The following PTPN23 variants were observed in gnomAD, a reference collection of about 807,000 sequenced individuals.
The protein encoded by PTPN23 is protein tyrosine phosphatase non-receptor type 23, also known as tyrosine-protein phosphatase non-receptor type 23.
Under a neutral mutation model 156.3 loss-of-function variants are expected in PTPN23, and 72 were observed. That is an observed-to-expected ratio of 0.46 (90% confidence interval 0.38 to 0.56). PTPN23 has a LOEUF of 0.56. PTPN23 is among the 20% of genes least tolerant of loss of function. The pLI, the probability that PTPN23 is intolerant of heterozygous loss-of-function variation, is 0.00. For missense variants in PTPN23, 1,974 were observed against 2,171.5 expected, an observed-to-expected ratio of 0.91 and a Z score of 1.81; for synonymous variants, 957 against 899.6, an observed-to-expected ratio of 1.06 and a Z score of -1.14.
intron 1 of PTPN23, among the ~76,000 whole-genome samples, chr3:47,389,677 A>T (rs1704728028): frequency 6.6e-6 from 1 of 152,048 alleles, no homozygotes. Context: ...CGTCTCCACT[A>T]AAAATACAAA....
chr3:47,402,887 G>A (rs1417204238), intron 2 of PTPN23, among the ~76,000 whole-genome samples: 2 of 151,908 alleles, frequency 1.3e-5, no homozygotes, highest in Non-Finnish European at 2.9e-5. Flanking sequence ...TGTATTTTTA[G>A]TAGAGACGGG....
chr3:47,409,845 C>A lies in PTPN23; in HGVS notation c.2129+11C>A. On this transcript the variant is annotated intron_variant, in intron 19 of 24. Coordinates refer to ENST00000265562, the MANE Select transcript of PTPN23 (RefSeq NM_015466.4). Reference sequence around the variant, plus strand: ...GCAGCTCCTGGACAGGTTTGTGTGGCCCTGGGGCTGTGGTGCGGCTCGGGT... The same window carrying A: ...GCAGCTCCTGGACAGGTTTGTGTGGACCTGGGGCTGTGGTGCGGCTCGGGT... The A allele has an allele frequency of 6.2e-7, 1 of 1,607,342 alleles. No homozygotes were observed. Among genetic ancestry groups the A allele is most frequent in the Non-Finnish European group, 8.5e-7 (1 of 1,176,940 alleles).
chr3:47,412,636 G>T lies in PTPN23; in HGVS notation c.4431+9G>T. The stretch of plus-strand genomic sequence containing the variant: ...CAAGCATCAGCCAGAAGGTGAGGAA[G>T]GTTCCGTGGAAGCTGCTGGGAGAGC... On this transcript the variant is annotated intron_variant, in intron 24 of 24. Transcript: ENST00000265562. 1.2e-6 allele frequency: 2 copies of T among 1,611,078 alleles called. No individual in the cohort carries two copies. Among genetic ancestry groups the T allele is most frequent in the East Asian group, 4.5e-5 (2 of 44,824 alleles).
chr3:47,407,693 C>G lies in PTPN23; in HGVS notation c.1004-4C>G, dbSNP rs200658102. The G allele has an allele frequency of 1.3e-4, 207 of 1,612,898 alleles. No individual in the cohort carries two copies. The highest frequency in any genetic ancestry group is 7.8e-4 in the Admixed American group (47 of 60,000). ...CCTGATCTCCACAATTCCCACCCCC[C>G]CAGGAGCCCCCTTGGTGAAGCCCTT... On this transcript the variant is annotated splice_region_variant and splice_polypyrimidine_tract_variant and intron_variant, in intron 12 of 24. Transcript: ENST00000265562. This position sits in a 1 kb window ranked among gnomAD's most constrained non-coding sequence, Gnocchi z 4.0.
intron 2 of PTPN23, among the ~76,000 whole-genome samples, chr3:47,402,761 A>G (rs2107710493): frequency 6.6e-6 from 1 of 152,208 alleles, no homozygotes; most frequent in Non-Finnish European, 1.5e-5. Flanking sequence ...CCTGGAGTGC[A>G]ATGGCATGAT....
rs1705242407 is a variant in PTPN23, at chr3:47,410,337, C to G, written c.2539C>G (p.Pro847Ala). ...CCCACAGCATGGCGTGGTGAGCAGT[C>G]CCTATGTGGGGGTAGGGCCGGCCCC... ...SSPQHGVVSS[P>A]YVGVGPAPPV... Residue 847 changes from proline to alanine, a missense_variant, in exon 20 of 25, where the codon CCC (proline) becomes GCC (alanine). Pro to Ala is a conservative substitution (Grantham distance 27). Transcript: ENST00000265562. 2 of 1,607,584 alleles carry G rather than the reference C, an allele frequency of 1.2e-6. No homozygotes were observed. Among genetic ancestry groups the G allele is most frequent in the Non-Finnish European group, 1.7e-6 (2 of 1,177,178 alleles).
intron 1 of PTPN23, among the ~76,000 whole-genome samples, chr3:47,383,231 G>A (rs764735864): frequency 6.6e-6 from 1 of 152,174 alleles, no homozygotes; most frequent in Non-Finnish European, 1.5e-5. Flanking sequence ...CTTCTGTGCC[G>A]TTGGTCATGG....
Position 47,412,600 on chromosome 3 carries a change from C to T in PTPN23, c.4404C>T (p.Pro1468=). ...ATGGTGTGCCTCCTCCATGCAAACC[C>T]TTGGCCAGTGCAAGCATCAGCCAGA... ...QRHGVPPPCK[P]LASASISQKN... The change falls in exon 24 of 25, where the codon CCC becomes CCT. Residue 1468 remains proline (P), a synonymous_variant. Coordinates refer to ENST00000265562, the MANE Select transcript of PTPN23 (RefSeq NM_015466.4). The T allele has an allele frequency of 1.2e-6, 2 of 1,613,690 alleles. No individual in the cohort carries two copies. The highest frequency in any genetic ancestry group is 2.2e-5 in the East Asian group (1 of 44,882).
intron 1 of PTPN23, among the ~76,000 whole-genome samples, chr3:47,389,311 T>C (rs540091216): frequency 6.6e-6 from 1 of 152,082 alleles, no homozygotes; most frequent in South Asian, 2.1e-4. Flanking sequence ...ATTTTACACA[T>C]GAAAAAAGCC....
At position 47,407,332 on chromosome 3, in the gene PTPN23, C is replaced by T. The variant is rs150349408; in HGVS notation, c.888C>T (p.Asp296=). 2.5e-5 allele frequency: 41 copies of T among 1,613,904 alleles called. No individual in the cohort carries two copies. In the African/African-American group the frequency reaches 3.5e-4, roughly 14 times the overall value. ...LAKGQPDTVQ[D]ALRFTMDVIG... is the part of the protein sequence containing the mutation. ...AGGGCCAGCCTGACACTGTGCAAGA[C>T]GCGCTTCGCTTCACTATGGATGTCA... is the stretch of plus-strand genomic sequence containing the variant. Residue 296 remains aspartate (D), a synonymous_variant, in exon 11 of 25, where the codon GAC becomes GAT. Transcript: ENST00000265562. The surrounding 1 kb of genome is among the most constrained non-coding windows in gnomAD (Gnocchi z 4.0).
Position 47,413,147 on chromosome 3 carries a change from A to C in PTPN23, c.4873A>C (p.Ser1625Arg). 6.2e-7 allele frequency: 1 copy of C among 1,612,638 alleles called. No individual in the cohort carries two copies. Among genetic ancestry groups the C allele is most frequent in the Non-Finnish European group, 8.5e-7 (1 of 1,179,914 alleles). The stretch of plus-strand genomic sequence containing the variant: ...CACCCGGCCCTCTGACGACCCCCTC[A>C]GCCTTCTGGATCCACTCTGGACACT... ...RATRPSDDPL[S>R]LLDPLWTLNK... is the part of the protein sequence containing the mutation. The change falls in exon 25 of 25, where the codon AGC (serine) becomes CGC (arginine). Residue 1625 changes from serine to arginine, a missense_variant. This residue lies in a region of PTPN23 where 484 missense variants were observed against 516.0 expected (regional missense o/e 0.94). Coordinates refer to ENST00000265562, the MANE Select transcript of PTPN23 (RefSeq NM_015466.4).
intron 15 of PTPN23, 137 bp from the exon 16 acceptor site, chr3:47,408,639 C>T (rs1705187613): frequency 1.4e-6 from 2 of 1,411,040 alleles, no homozygotes; most frequent in Non-Finnish European, 1.9e-6. Context: ...ATCAGCATAC[C>T]TCTTGCACCC....
In PTPN23 at chr3:47,396,341, G is replaced by A. The variant is rs187514292; in HGVS notation, c.159+124G>A. The A allele has an allele frequency of 2.6e-4, 163 of 624,198 alleles. 2 individuals carry two copies. The highest frequency in any genetic ancestry group is 1.0e-3 in the Admixed American group (33 of 31,722). The allele number at this position is 624,198 out of a possible 1,614,324, so 38.7% of individuals were successfully genotyped here. ...TATAATCCCACCACTTTGGGAGGCC[G>A]AGGTGGGCAGATCATTTGAGGTCAG... On this transcript the variant is annotated intron_variant, in intron 2 of 24. Coordinates refer to ENST00000265562, the MANE Select transcript of PTPN23 (RefSeq NM_015466.4).
In PTPN23 at chr3:47,404,037, C is replaced by G. The variant is rs563971166; in HGVS notation, c.160-615C>G. ...CTTGAGCCCAGGAGTTTGAGAACAG[C>G]CTGGGCAACATGGCAAAACCCTGTC... On this transcript the variant is annotated intron_variant, in intron 2 of 24. Transcript: ENST00000265562. Among the ~76,000 whole-genome samples the G allele has an allele frequency of 7.9e-5, 12 of 152,236 alleles. 2 individuals carry two copies. Among genetic ancestry groups the G allele is most frequent in the African/African-American group, 2.6e-4 (11 of 41,542 alleles).
chr3:47,411,917 G>C lies in PTPN23; in HGVS notation c.4023G>C (p.Gln1341His). The part of the protein sequence containing the change: ...ERVLSLQFRD[Q>H]SLKRSLVHLH... ...TGCTGAGCCTGCAGTTCCGAGACCA[G>C]AGCCTCAAGCGCTCTCTTGTGCACC... is the stretch of plus-strand genomic sequence containing the variant. Residue 1341 changes from glutamine to histidine, a missense_variant, in exon 21 of 25, where the codon CAG becomes CAC. Gln to His is a conservative substitution (Grantham distance 24). Around this residue, in one of 4 missense-constraint regions of PTPN23, gnomAD observed 484 missense variants for 516.0 expected, o/e 0.94. Coordinates refer to ENST00000265562, the MANE Select transcript of PTPN23 (RefSeq NM_015466.4). This position sits in a 1 kb window ranked among gnomAD's most constrained non-coding sequence, Gnocchi z 6.3. 6.2e-7 allele frequency: 1 copy of C among 1,613,460 alleles called. No individual in the cohort carries two copies. Among genetic ancestry groups the C allele is most frequent in the Non-Finnish European group, 8.5e-7 (1 of 1,180,006 alleles).
chr3:47,407,814 G>A lies in PTPN23; in HGVS notation c.1118+3G>A. On this transcript the variant is annotated splice_donor_region_variant and intron_variant, in intron 13 of 24. Transcript: ENST00000265562. This position sits in a 1 kb window ranked among gnomAD's most constrained non-coding sequence, Gnocchi z 4.0. ...CACGAGGCCTCGTCACTGTACAGGT[G>A]GGTGGAGGGTGGCACAGAGGGAGGT... is the stretch of plus-strand genomic sequence containing the variant. 3.1e-6 allele frequency: 5 copies of A among 1,614,092 alleles called. No individual in the cohort carries two copies. The South Asian group carries it at 3.3e-5, about 11-fold the overall frequency.
chr3:47,381,063 G>T lies in PTPN23; in HGVS notation c.-34G>T. The T allele has an allele frequency of 2.6e-6, 4 of 1,554,948 alleles. No individual in the cohort carries two copies. The highest frequency in any genetic ancestry group is 3.5e-6 in the Non-Finnish European group (4 of 1,149,614). ...TGAGCCAGCAGCTGCAGCAGCTACG[G>T]GAGTGGCCGGGTGGCCGGCGGGTGC... On this transcript the variant is annotated 5_prime_UTR_variant, in exon 1 of 25. Transcript: ENST00000265562.
In PTPN23 at chr3:47,406,747, G is replaced by A. The variant is rs1291836804; in HGVS notation, c.804G>A (p.Glu268=). ...CCGAGGAGCAGCAGAAGTTCGGGGA[G>A]CGGGTGAGCTACAGCGAGGAGGGGA... ...KQAEEQQKFG[E]RVAYFQSALD... Residue 268 remains glutamate (E), a synonymous_variant, in exon 9 of 25, where the codon GAG becomes GAA. Transcript: ENST00000265562. This position sits in a 1 kb window ranked among gnomAD's most constrained non-coding sequence, Gnocchi z 5.8. 1.2e-6 allele frequency: 2 copies of A among 1,613,566 alleles called. No homozygotes were observed. The highest frequency in any genetic ancestry group is 2.2e-5 in the East Asian group (1 of 44,892).
In PTPN23 at chr3:47,410,491, G is replaced by A. The variant is rs765713813; in HGVS notation, c.2693G>A (p.Arg898Gln). ...CCCATCCCCAGCCACACAGCCCCAC[G>A]GCCAAACCCCACCCCTGCTCCTCCC... ...QAPIPSHTAP[R>Q]PNPTPAPPPP... is the part of the protein sequence containing the mutation. The change falls in exon 20 of 25, where the codon CGG (arginine) becomes CAG (glutamine). Residue 898 changes from arginine to glutamine, a missense_variant. By Grantham distance (43) the Arg-to-Gln change is conservative. This residue lies in a region of PTPN23 where 731 missense variants were observed against 669.1 expected (regional missense o/e 1.09). Coordinates refer to ENST00000265562, the MANE Select transcript of PTPN23 (RefSeq NM_015466.4). 17 of 1,604,668 alleles carry A rather than the reference G, an allele frequency of 1.1e-5. No individual in the cohort carries two copies. Among genetic ancestry groups the A allele is most frequent in the Admixed American group, 3.4e-5 (2 of 59,244 alleles).
Sources: allele counts gnomAD v4.1 joint callset (sites outside exome capture counted in the v4.1 genomes callset), GRCh38; gene constraint gnomAD v4.1.1; regional missense constraint gnomAD v4.1.1; non-coding constraint Gnocchi (gnomAD v3.1); transcripts MANE v1.5; gene names NCBI Gene and HGNC (gene_info 2026-07-23, HGNC 2026-07-21).